The following USP25 variants were observed in gnomAD, a reference collection of about 807,000 sequenced individuals.
USP25 encodes the protein ubiquitin specific peptidase 25.
In USP25, 85 loss-of-function variants were observed where a neutral mutation model predicts 158.5. That is an observed-to-expected ratio of 0.54 (90% CI 0.45 to 0.64). The LOEUF is 0.64. Ranked by LOEUF, USP25 falls within the 30% of genes least tolerant of loss-of-function variation. The probability of loss-of-function intolerance (pLI) is 0.00; values close to 1 mark genes in which losing one functional copy is unlikely to be tolerated. For missense variants in USP25, 1,242 were observed against 1,327.3 expected (o/e 0.94, Z 1.00); for synonymous variants, 464 against 460.4 (o/e 1.01, Z -0.10).
chr21:15,879,900 GC>G lies in USP25; in HGVS notation c.*1426del. The stretch of plus-strand genomic sequence containing the variant: ...TATTCCTGTTGTAAAGTTAGATTTT[GC>G]ATATTGTATCTATCAAAATATGTTT... On this transcript the variant is annotated 3_prime_UTR_variant, in exon 26 of 26. Coordinates refer to ENST00000400183, the MANE Select transcript of USP25 (RefSeq NM_001283041.3). 6.6e-6 allele frequency: 1 copy of G among 152,380 alleles called. No homozygotes were observed. 9.4% of individuals were successfully genotyped at this position (152,380 alleles called of 1,614,324 possible).
At chr21:15,775,739 A>ACCGCCCCC (rs1306338460) in intron 3 of USP25, among the ~76,000 whole-genome samples, 3 of 14,052 alleles carry the variant, frequency 2.1e-4, no homozygotes, top group Admixed American at 9.1e-4. Context: ...AATGGTTGCC[A>ACCGCCCCC]CCCCCCCCCC....
At chr21:15,731,046 T>C (rs1390020247) in intron 1 of USP25, among the ~76,000 whole-genome samples, 2 of 148,310 alleles carry the variant, frequency 1.3e-5, no homozygotes, top group Non-Finnish European at 3.0e-5. Context: ...TCTGGCCATG[T>C]TATTCCAGGA....
chr21:15,767,818 A>C (rs953735976), intron 3 of USP25, among the ~76,000 whole-genome samples: 14 of 152,222 alleles, frequency 9.2e-5, no homozygotes, highest in African/African-American at 3.4e-4. Flanking sequence ...ATGACATGGT[A>C]TATTTATAGA....
rs561231048 is a variant in USP25 at position 15,834,929 on chromosome 21, G to A, written c.2194+1381G>A. On this transcript the variant is annotated intron_variant, in intron 17 of 25. Transcript: ENST00000400183. ...ATGTAGTTTTTAGTAGATGTCAAGA[G>A]GTATCTAAGCTCAAATCACAGTGTA... Among the ~76,000 whole-genome samples the A allele has an allele frequency of 2.2e-3, 340 of 152,230 alleles. 1 individual carries two copies. Among genetic ancestry groups the A allele is most frequent in the Non-Finnish European group, 3.6e-3 (242 of 68,014 alleles).
At chr21:15,789,802 C>G (rs2035492820) in intron 4 of USP25, among the ~76,000 whole-genome samples, 1 of 151,858 alleles carries the variant, frequency 6.6e-6, no homozygotes, top group Non-Finnish European at 1.5e-5. Flanking sequence ...ACAAAAGGAA[C>G]AAAATTTTCA....
intron 4 of USP25, among the ~76,000 whole-genome samples, chr21:15,788,733 A>G (rs984534626): frequency 2.6e-5 from 4 of 152,162 alleles, no homozygotes; most frequent in African/African-American, 9.6e-5. Flanking sequence ...CAATTCTACC[A>G]TGTGGTATGG....
chr21:15,758,320 A>G (rs965909944), intron 1 of USP25, among the ~76,000 whole-genome samples: 1 of 152,150 alleles, frequency 6.6e-6, no homozygotes, highest in African/African-American at 2.4e-5. Flanking sequence ...ACCACATCTC[A>G]TCTTGAATTG....
intron 1 of USP25, among the ~76,000 whole-genome samples, chr21:15,748,297 T>G (rs2032719661): frequency 6.6e-6 from 1 of 152,086 alleles, no homozygotes; most frequent in African/African-American, 2.4e-5. Context: ...AAAATATATT[T>G]TTGAGACAGA....
At position 15,847,720 on chromosome 21, in the gene USP25, A is replaced by G; in HGVS notation, c.2395A>G (p.Ile799Val). ...TAATCAGCGAGTTGTAGAGGTGGCG[A>G]TCCCTCATGTAGGGAAATTTATGAT... ...LSNQRVVEVAIPHVGKFMIES... is the reference protein window; with the variant it reads ...LSNQRVVEVAVPHVGKFMIES... Residue 799 changes from isoleucine to valine, a missense_variant, in exon 19 of 26, where the codon ATC becomes GTC. By Grantham distance (29) the Ile-to-Val change is conservative. Around this residue, in one of 3 missense-constraint regions of USP25, gnomAD observed 608 missense variants for 605.2 expected, o/e 1.00. Coordinates refer to ENST00000400183, the MANE Select transcript of USP25 (RefSeq NM_001283041.3). The G allele has an allele frequency of 3.2e-6, 5 of 1,550,192 alleles. No homozygotes were observed. The highest frequency in any genetic ancestry group is 4.4e-6 in the Non-Finnish European group (5 of 1,146,686).
rs370378642 is a variant in USP25 at position 15,737,462 on chromosome 21, A to G, written c.45+7024A>G. On this transcript the variant is annotated intron_variant, in intron 1 of 25. Coordinates refer to ENST00000400183, the MANE Select transcript of USP25 (RefSeq NM_001283041.3). ...CCCCCTATTTAAAACAAAAGCTGGA[A>G]CTTCGATAATAACCTATATCCCTTA... Among the ~76,000 whole-genome samples, 745 of 152,278 alleles carry G rather than the reference A, an allele frequency of 4.9e-3. 6 individuals carry two copies. Among genetic ancestry groups the G allele is most frequent in the Middle Eastern group, 0.014 (4 of 294 alleles).
At chr21:15,758,020 G>T (rs2033493859) in intron 1 of USP25, among the ~76,000 whole-genome samples, 1 of 152,166 alleles carries the variant, frequency 6.6e-6, no homozygotes, top group South Asian at 2.1e-4. Context: ...CACTTAAATA[G>T]TTGTATGTGT....
intron 5 of USP25, among the ~76,000 whole-genome samples, chr21:15,795,095 A>G (rs1484623241): frequency 1.3e-5 from 2 of 151,548 alleles, no homozygotes; most frequent in African/African-American, 2.4e-5. Context: ...AGAGACCTGT[A>G]TCTAATCCAT....
At chr21:15,810,883 A>G (rs550792707) in intron 8 of USP25, among the ~76,000 whole-genome samples, 25 of 152,288 alleles carry the variant, frequency 1.6e-4, no homozygotes, top group African/African-American at 5.5e-4. Flanking sequence ...CCAAGTTCAT[A>G]CACGTAGTAG....
Position 15,766,096 on chromosome 21 carries a change from C to G in USP25, c.223C>G (p.Pro75Ala). 3 of 1,610,200 alleles carry G rather than the reference C, an allele frequency of 1.9e-6. No homozygotes were observed. Among genetic ancestry groups the G allele is most frequent in the Non-Finnish European group, 2.5e-6 (3 of 1,178,210 alleles). The change falls in exon 3 of 26, where the codon CCT becomes GCT. Residue 75 changes from proline (P) to alanine (A), a missense_variant. By Grantham distance (27) the Pro-to-Ala change is conservative. Around this residue, in one of 3 missense-constraint regions of USP25, gnomAD observed 627 missense variants for 701.4 expected, o/e 0.89. Transcript: ENST00000400183. This position sits in a 1 kb window ranked among gnomAD's most constrained non-coding sequence, Gnocchi z 4.0. ...GACAACTTACTACCAAACAGCACTT[C>G]CTGGCAATGATAGATACATCAGTGT... ...EETTYYQTAL[P>A]GNDRYISVGS... is the part of the protein sequence containing the mutation.
In USP25 at chr21:15,777,998, A is replaced by G. The variant is rs773451617; in HGVS notation, c.363A>G (p.Gly121=). 4 of 1,610,838 alleles carry G rather than the reference A, an allele frequency of 2.5e-6. No homozygotes were observed. The highest frequency in any genetic ancestry group is 3.4e-6 in the Non-Finnish European group (4 of 1,178,902). The change falls in exon 4 of 26, where the codon GGA becomes GGG. Residue 121 remains glycine, a synonymous_variant. Transcript: ENST00000400183. Reference sequence around the variant, plus strand: ...CAAACAGGGCATTCAGGGAGACTGGAATAACTGATGAGGAACAAGCCATTA... The same window carrying G: ...CAAACAGGGCATTCAGGGAGACTGGGATAACTGATGAGGAACAAGCCATTA... ...AESNRAFRET[G]ITDEEQAISR...
intron 6 of USP25, among the ~76,000 whole-genome samples, chr21:15,804,157 A>G (rs8131254): frequency 6.1e-4 from 92 of 151,936 alleles, no homozygotes; most frequent in African/African-American, 2.2e-3. Context: ...ATTGTTAGTG[A>G]TTGGTAATGT....
At chr21:15,872,715 A>G (rs1393052163) in intron 23 of USP25, among the ~76,000 whole-genome samples, 4 of 152,160 alleles carry the variant, frequency 2.6e-5, no homozygotes, top group African/African-American at 9.6e-5. Flanking sequence ...AAATAGACCT[A>G]TTTATCATGA....
intron 4 of USP25, among the ~76,000 whole-genome samples, chr21:15,788,901 C>T (rs1293532944): frequency 6.6e-6 from 1 of 152,062 alleles, no homozygotes; most frequent in Admixed American, 6.6e-5. Flanking sequence ...TTACATGTAT[C>T]TCTTGAACTT....
intron 1 of USP25, among the ~76,000 whole-genome samples, chr21:15,762,038 C>T (rs1256733607): frequency 6.6e-6 from 1 of 151,298 alleles, no homozygotes; most frequent in Non-Finnish European, 1.5e-5. Context: ...TGTAAATATT[C>T]TGTTCCTGAT....
Sources: gnomAD v4.1 joint callset for allele counts (sites outside exome capture counted in the v4.1 genomes callset) on GRCh38, gnomAD v4.1.1 for gene constraint, gnomAD v4.1.1 regional missense constraint, Gnocchi (gnomAD v3.1) non-coding constraint, MANE v1.5 for transcripts, NCBI Gene and HGNC (gene_info 2026-07-23, HGNC 2026-07-21) for gene names.